The following EYA4 variants were observed in gnomAD, a reference collection of about 807,000 sequenced individuals.
EYA4 encodes the protein EYA transcriptional coactivator and phosphatase 4.
EYA4 carries 31 observed loss-of-function variants against 87.9 expected under a neutral mutation model. The ratio of observed to expected loss-of-function variants is 0.35; its 90% CI spans 0.27 to 0.48. EYA4 has a LOEUF of 0.48. Ranked by LOEUF, EYA4 falls within the 20% of genes least tolerant of loss-of-function variation. The pLI is 0.99. For missense variants in EYA4, 678 were observed against 761.4 expected (o/e 0.89, Z 1.29); for synonymous variants, 263 against 270.6 (o/e 0.97, Z 0.28).
chr6:133,314,452 A>G (rs771910084), intron 2 of EYA4, among the ~76,000 whole-genome samples: 9 of 152,172 alleles, frequency 5.9e-5, no homozygotes, highest in Non-Finnish European at 1.0e-4. Flanking sequence ...TTAGTCATGA[A>G]TGTCTTCTTT....
chr6:133,417,611 CA>C (rs1425136714), intron 3 of EYA4, among the ~76,000 whole-genome samples: 1 of 152,164 alleles, frequency 6.6e-6, no homozygotes, highest in Non-Finnish European at 1.5e-5. Context: ...TACACACACA[CA>C]ACCCTCATAC....
chr6:133,427,521 G>A (rs1319571587), intron 3 of EYA4, among the ~76,000 whole-genome samples: 1 of 152,152 alleles, frequency 6.6e-6, no homozygotes, highest in Non-Finnish European at 1.5e-5. Context: ...TATTTTGACA[G>A]GGGTAAGGCC....
chr6:133,250,915 C>G (rs1480803263), intron 1 of EYA4, among the ~76,000 whole-genome samples: 1 of 151,948 alleles, frequency 6.6e-6, no homozygotes, highest in Non-Finnish European at 1.5e-5. Flanking sequence ...CCCAAATGTT[C>G]CAGAGATATT....
chr6:133,419,698 A>G (rs1459496756), intron 3 of EYA4, among the ~76,000 whole-genome samples: 1 of 152,210 alleles, frequency 6.6e-6, no homozygotes, highest in Non-Finnish European at 1.5e-5. Flanking sequence ...CCAAACTATT[A>G]TACTACCACC....
rs1360746749 is a variant in EYA4 at position 133,451,785 on chromosome 6, G to A, written c.277+3606G>A. 1.3e-5 allele frequency among the ~76,000 whole-genome samples: 2 copies of A among 152,060 alleles called. 1 individual carries two copies. Among genetic ancestry groups the A allele is most frequent in the Non-Finnish European group, 2.9e-5 (2 of 67,982 alleles). On this transcript the variant is annotated intron_variant, in intron 5 of 19. Coordinates refer to ENST00000355286, the MANE Select transcript of EYA4 (RefSeq NM_004100.5). ...AAACAACTTCAAAGAAAAGGTTTGG[G>A]GGAATAGAAATCAGACATTCTGATC...
intron 13 of EYA4, among the ~76,000 whole-genome samples, chr6:133,490,412 G>A (rs60958336): frequency 0.029 from 4,280 of 147,944 alleles, 200 homozygotes; most frequent in African/African-American, 0.1. Context: ...ACAAAAAACC[G>A]TGACCCAGCG....
chr6:133,469,403 C>G (rs981288749), intron 11 of EYA4, among the ~76,000 whole-genome samples: 1 of 151,920 alleles, frequency 6.6e-6, no homozygotes, highest in African/African-American at 2.4e-5. Context: ...ATAGTCAAAA[C>G]TATTTTTAAA....
intron 2 of EYA4, among the ~76,000 whole-genome samples, chr6:133,345,840 T>G (rs2128415494): frequency 6.6e-6 from 1 of 152,334 alleles, no homozygotes; most frequent in South Asian, 2.1e-4. Flanking sequence ...GAGGCATATT[T>G]TCCTATTTTC....
At chr6:133,319,511 C>CTTTT (rs34103179) in intron 2 of EYA4, among the ~76,000 whole-genome samples, 2,217 of 145,458 alleles carry the variant, frequency 0.015, 53 homozygotes, top group African/African-American at 0.05. Flanking sequence ...GATAGTGTCC[C>CTTTT]TTTTTTTTTT....
At chr6:133,497,026 T>C (rs1207806754) in intron 13 of EYA4, among the ~76,000 whole-genome samples, 1 of 152,162 alleles carries the variant, frequency 6.6e-6, no homozygotes, top group African/African-American at 2.4e-5. Context: ...CCATAATTAG[T>C]GGGCAATACT....
chr6:133,397,911 C>T (rs1026176532), intron 3 of EYA4, among the ~76,000 whole-genome samples: 2 of 152,154 alleles, frequency 1.3e-5, no homozygotes, highest in African/African-American at 4.8e-5. Flanking sequence ...CAATTACCTC[C>T]CACTGGGTCT....
intron 3 of EYA4, chr6:133,435,501 G>T (rs1216584940): frequency 1.3e-5 from 2 of 152,322 alleles, no homozygotes; most frequent in Middle Eastern, 6.3e-3. Context: ...CCTCCTTCTG[G>T]GACTATCTGT....
intron 2 of EYA4, 62 bp from the exon 3 acceptor site, chr6:133,382,330 T>C (rs1786292177): frequency 8.6e-7 from 1 of 1,164,022 alleles, no homozygotes; most frequent in Non-Finnish European, 1.3e-6. Flanking sequence ...TTTAATAGTG[T>C]GTGAACCTGA....
In EYA4 at chr6:133,481,500, C is replaced by G; in HGVS notation, c.1008C>G (p.Ile336Met). ...FDTMQSPSTP[I>M]KDLDERTCRS... ...CCATGCAGAGTCCCTCCACACCCAT[C>G]AAAGATCTTGATGAGAGAACCTGTA... The change falls in exon 12 of 20, where the codon ATC (isoleucine) becomes ATG (methionine). Residue 336 changes from isoleucine (I) to methionine (M), a missense_variant. Ile to Met is a conservative substitution (Grantham distance 10, BLOSUM62 1). Coordinates refer to ENST00000355286, the MANE Select transcript of EYA4 (RefSeq NM_004100.5). The G allele has an allele frequency of 6.2e-7, 1 of 1,613,918 alleles. No homozygotes were observed. The highest frequency in any genetic ancestry group is 8.5e-7 in the Non-Finnish European group (1 of 1,179,888).
chr6:133,481,536 G>A lies in EYA4; in HGVS notation c.1044G>A (p.Gly348=), dbSNP rs1796217728. ...DLDERTCRSS[G]SKSRGRGRKN... ...ATGAGAGAACCTGTAGGAGTTCTGGGTCAAAGTCCAGAGGAAGAGGCCGGA... is the reference window on the plus strand; with the variant it reads ...ATGAGAGAACCTGTAGGAGTTCTGGATCAAAGTCCAGAGGAAGAGGCCGGA... The change falls in exon 12 of 20, where the codon GGG becomes GGA. Residue 348 remains glycine, a synonymous_variant. Coordinates refer to ENST00000355286, the MANE Select transcript of EYA4 (RefSeq NM_004100.5). 6.2e-7 allele frequency: 1 copy of A among 1,613,994 alleles called. No individual in the cohort carries two copies. The highest frequency in any genetic ancestry group is 8.5e-7 in the Non-Finnish European group (1 of 1,179,912).
chr6:133,500,060 A>C (rs192151537), intron 13 of EYA4, among the ~76,000 whole-genome samples: 32 of 150,894 alleles, frequency 2.1e-4, no homozygotes, highest in African/African-American at 7.6e-4. Context: ...GGAAGGGTCT[A>C]CAAGTGTGCA....
chr6:133,394,284 G>GTTTTTTTTTTTTTTTTTTTTTTTT (rs869103311), intron 3 of EYA4, among the ~76,000 whole-genome samples: 2 of 17,874 alleles, frequency 1.1e-4, no homozygotes, highest in African/African-American at 1.5e-4. Flanking sequence ...ATAAGCTTGT[G>GTTTTTTTTTTTTTTTTTTTTTTTT]TTTTTTTTTT....
chr6:133,370,544 T>G (rs895804970), intron 2 of EYA4, among the ~76,000 whole-genome samples: 2 of 152,204 alleles, frequency 1.3e-5, no homozygotes, highest in Non-Finnish European at 2.9e-5. Flanking sequence ...TTTGTTTACT[T>G]TATAAAATTC....
chr6:133,469,290 A>G (rs1233016246), intron 11 of EYA4, among the ~76,000 whole-genome samples: 1 of 152,136 alleles, frequency 6.6e-6, no homozygotes, highest in Non-Finnish European at 1.5e-5. Context: ...AGTTAAAAGC[A>G]AATGTAACAG....
Sources: gnomAD v4.1 joint callset for allele counts (sites outside exome capture counted in the v4.1 genomes callset) on GRCh38, gnomAD v4.1.1 for gene constraint, MANE v1.5 for transcripts, NCBI Gene and HGNC (gene_info 2026-07-23, HGNC 2026-07-21) for gene names.